Variants in RBFOX1 observed in about 807,000 individuals in gnomAD.
RBFOX1 encodes RNA binding fox-1 homolog 1.
A neutral mutation model predicts 57.7 loss-of-function variants in RBFOX1; 8 were observed. The observed-to-expected ratio is 0.14, with a 90% CI of 0.08 to 0.25. RBFOX1 has a LOEUF of 0.25. Ranked by LOEUF, RBFOX1 falls within the 10% of genes least tolerant of loss-of-function variation. The pLI is 1.00. For missense variants in RBFOX1, 611 were observed against 548.5 expected, an observed-to-expected ratio of 1.11 and a Z score of -1.14; for synonymous variants, 326 against 222.4, an observed-to-expected ratio of 1.47 and a Z score of -4.15.
chr16:5,743,891 T>C (rs1567479182), intron 3 of RBFOX1, among the ~76,000 whole-genome samples: 1 of 152,180 alleles, frequency 6.6e-6, no homozygotes, highest in Non-Finnish European at 1.5e-5. Flanking sequence ...ATGATAGGCA[T>C]GATGTCATAC....
At chr16:6,911,032 C>T (rs187748886) in intron 3 of RBFOX1, among the ~76,000 whole-genome samples, 2 of 152,104 alleles carry the variant, frequency 1.3e-5, no homozygotes, top group East Asian at 3.9e-4. Context: ...GAAACCCCGT[C>T]TCTACCAAAA....
chr16:6,293,893 AGC>A (rs147023238), intron 1 of RBFOX1, among the ~76,000 whole-genome samples: 116,993 of 142,788 alleles, frequency 0.82, 46,301 homozygotes, highest in East Asian at 0.97. Context: ...TTCCAGGGTG[AGC>A]GGGGGGGTGG....
intron 2 of RBFOX1, among the ~76,000 whole-genome samples, chr16:6,469,082 C>G (rs2153077264): frequency 1.3e-5 from 2 of 152,198 alleles, no homozygotes; most frequent in Middle Eastern, 6.8e-3. Flanking sequence ...ACACAAGCAA[C>G]AAGAACTTCA....
chr16:7,420,486 G>C (rs918985995), intron 4 of RBFOX1, among the ~76,000 whole-genome samples: 1 of 152,152 alleles, frequency 6.6e-6, no homozygotes, highest in East Asian at 1.9e-4. Flanking sequence ...TGTCTAAATC[G>C]ATACATCTCT....
chr16:6,121,339 G>T (rs1412570022), intron 1 of RBFOX1, among the ~76,000 whole-genome samples: 3 of 152,184 alleles, frequency 2.0e-5, no homozygotes, highest in African/African-American at 7.2e-5. Context: ...TGTGATACAA[G>T]CTGGCCTGTC....
chr16:7,120,890 A>C (rs1172815879), intron 4 of RBFOX1, among the ~76,000 whole-genome samples: 3 of 122,248 alleles, frequency 2.5e-5, no homozygotes, highest in Non-Finnish European at 3.7e-5. Context: ...AATACATATA[A>C]TACAGAAAAA....
At chr16:5,414,995 G>A (rs1008353) in intron 1 of RBFOX1, among the ~76,000 whole-genome samples, 40,579 of 151,926 alleles carry the variant, frequency 0.27, 5,913 homozygotes, top group South Asian at 0.33. Flanking sequence ...TGTGTTTTCC[G>A]TGTGCCAGGT....
chr16:5,495,468 C>G (rs1388723672), intron 2 of RBFOX1, among the ~76,000 whole-genome samples: 1 of 152,220 alleles, frequency 6.6e-6, no homozygotes, highest in Non-Finnish European at 1.5e-5. Flanking sequence ...GGCCTCACCT[C>G]CAACACTTGG....
chr16:7,037,225 CCT>C (rs2044750933), intron 3 of RBFOX1, among the ~76,000 whole-genome samples: 1 of 143,628 alleles, frequency 7.0e-6, no homozygotes, highest in African/African-American at 2.6e-5. Context: ...TAGGTCTTAG[CCT>C]CTTTTTTTTT....
intron 2 of RBFOX1, among the ~76,000 whole-genome samples, chr16:5,527,954 A>C (rs142905358): frequency 5.9e-4 from 90 of 152,278 alleles, no homozygotes; most frequent in African/African-American, 2.0e-3. Flanking sequence ...AAATTGTATT[A>C]GTGTGAATTG....
At chr16:5,781,596 C>G (rs2054326372) in intron 3 of RBFOX1, among the ~76,000 whole-genome samples, 1 of 152,244 alleles carries the variant, frequency 6.6e-6, no homozygotes, top group South Asian at 2.1e-4. Flanking sequence ...TCCGCCGCAA[C>G]CATCAACTGT....
At position 6,757,590 on chromosome 16, in the gene RBFOX1, A is replaced by C. The variant is rs148356244; in HGVS notation, c.-16+102940A>C. Among the ~76,000 whole-genome samples the C allele has an allele frequency of 7.1e-3, 1,074 of 152,194 alleles. 9 individuals carry two copies. The highest frequency in any genetic ancestry group is 0.011 in the Non-Finnish European group (745 of 68,000). On this transcript the variant is annotated intron_variant, in intron 3 of 15. Transcript: ENST00000550418. Reference sequence around the variant, plus strand: ...ATGTTCTCATTCATATGTGGGAGCTAAAAAAGTTGATCTCTGGAGGATAGA... The same window carrying C: ...ATGTTCTCATTCATATGTGGGAGCTCAAAAAGTTGATCTCTGGAGGATAGA...
At chr16:7,398,598 C>T (rs967844472) in intron 4 of RBFOX1, among the ~76,000 whole-genome samples, 1 of 152,378 alleles carries the variant, frequency 6.6e-6, no homozygotes, top group African/African-American at 2.4e-5. Flanking sequence ...CACCTTCAAT[C>T]TCTCTAACAT....
intron 1 of RBFOX1, among the ~76,000 whole-genome samples, chr16:5,384,522 G>T (rs1376353058): frequency 6.6e-6 from 1 of 152,172 alleles, no homozygotes; most frequent in African/African-American, 2.4e-5. Context: ...GCAAGAGTAG[G>T]CCAGGCAGAG....
intron 1 of RBFOX1, among the ~76,000 whole-genome samples, chr16:5,420,277 C>G (rs1477476558): frequency 1.3e-5 from 2 of 152,080 alleles, no homozygotes; most frequent in Non-Finnish European, 2.9e-5. Flanking sequence ...TTTAGGTAAC[C>G]AGGGAATAGT....
chr16:7,398,871 G>A (rs945819294), intron 4 of RBFOX1, among the ~76,000 whole-genome samples: 19 of 152,184 alleles, frequency 1.2e-4, no homozygotes, highest in African/African-American at 4.1e-4. Context: ...TGGGGCTAGA[G>A]GGTTCCCTAT....
At chr16:6,925,809 T>A (rs1381042496) in intron 3 of RBFOX1, among the ~76,000 whole-genome samples, 1 of 152,096 alleles carries the variant, frequency 6.6e-6, no homozygotes, top group Non-Finnish European at 1.5e-5. Context: ...AAAATAAGCC[T>A]GGCGAAATTA....
At chr16:6,280,450 C>G (rs2076258217) in intron 1 of RBFOX1, among the ~76,000 whole-genome samples, 1 of 151,920 alleles carries the variant, frequency 6.6e-6, no homozygotes, top group African/African-American at 2.4e-5. Context: ...AGATTGGAGA[C>G]AAGTTGGCAA....
chr16:5,613,605 G>C (rs2047905618), intron 3 of RBFOX1, among the ~76,000 whole-genome samples: 1 of 152,116 alleles, frequency 6.6e-6, no homozygotes, highest in Admixed American at 6.5e-5. Flanking sequence ...AAGTTCATTT[G>C]ATGGACAAAT....
Sources: allele counts gnomAD v4.1 joint callset (sites outside exome capture counted in the v4.1 genomes callset), GRCh38; gene constraint gnomAD v4.1.1; transcripts MANE v1.5; gene names NCBI Gene and HGNC (gene_info 2026-07-23, HGNC 2026-07-21).